The following MED27 variants were observed in gnomAD, a reference collection of about 807,000 sequenced individuals.
The protein encoded by MED27 is mediator of RNA polymerase II transcription subunit 27.
A neutral mutation model predicts 38.2 loss-of-function variants in MED27; 30 were observed. The observed-to-expected ratio is 0.79, with a 90% CI of 0.59 to 1.07. The LOEUF (loss-of-function observed/expected upper bound fraction) is 1.07, where lower values mean the gene tolerates loss of function less well. Ranked by LOEUF, MED27 falls within the 50% of genes least tolerant of loss-of-function variation. The probability of loss-of-function intolerance (pLI) is 0.00; values close to 1 mark genes in which losing one functional copy is unlikely to be tolerated. For synonymous variants in MED27, 122 were observed against 153.5 expected, an observed-to-expected ratio of 0.79 and a Z score of 1.52; for missense variants, 289 against 397.5, an observed-to-expected ratio of 0.73 and a Z score of 2.32.
Position 132,003,745 on chromosome 9 carries a change from A to T in MED27, c.479+10592T>A, listed in dbSNP as rs956603165. Among the ~76,000 whole-genome samples, 12 of 151,842 alleles carry T rather than the reference A, an allele frequency of 7.9e-5. No homozygotes were observed. The highest frequency in any genetic ancestry group is 2.9e-4 in the African/African-American group (12 of 41,324). ...CCATACTCCTCTTTCACACCCCACC[A>T]CCCAGTACTTTTGGGAAGGGGGGAT... On this transcript the variant is annotated intron_variant, in intron 3 of 7. Coordinates refer to ENST00000292035, the MANE Select transcript of MED27 (RefSeq NM_004269.4). The surrounding 1 kb of genome is among the most constrained non-coding windows in gnomAD (Gnocchi z 4.2).
intron 3 of MED27, among the ~76,000 whole-genome samples, chr9:131,942,413 T>A (rs916078710): frequency 6.6e-6 from 1 of 152,184 alleles, no homozygotes; most frequent in African/African-American, 2.4e-5. Flanking sequence ...ATATACTTCT[T>A]CTCTAAATCT....
chr9:131,985,450 G>A (rs950882379), intron 3 of MED27, among the ~76,000 whole-genome samples: 8 of 152,124 alleles, frequency 5.3e-5, no homozygotes, highest in African/African-American at 1.7e-4. Flanking sequence ...TGGTGAGACC[G>A]CATATATGAC....
Position 131,985,698 on chromosome 9 carries a change from T to G in MED27, c.479+28639A>C, listed in dbSNP as rs529691041. ...ATTTACTGTACTATAATTTTAATTG[T>G]TTTTTTTTTTTAGCATATACTACTT... On this transcript the variant is annotated intron_variant, in intron 3 of 7. Transcript: ENST00000292035. 8.3e-5 allele frequency among the ~76,000 whole-genome samples: 11 copies of G among 133,094 alleles called. No homozygotes were observed. In the East Asian group the frequency reaches 1.5e-3, roughly 18 times the overall value. The allele number at this position is 133,094 out of a possible 152,430, so 87.3% of individuals were successfully genotyped here.
intron 2 of MED27, among the ~76,000 whole-genome samples, chr9:132,030,678 AAT>A (rs1217508877): frequency 6.6e-6 from 1 of 152,274 alleles, no homozygotes; most frequent in East Asian, 1.9e-4. Flanking sequence ...ATTAAATCAA[AAT>A]GTGCTTTTTG....
rs913509 is a variant in MED27, at chr9:131,862,364, G to A, written c.801+699C>T. The stretch of plus-strand genomic sequence containing the variant: ...CATGCGGCCGTGTGAGCATGCTGGC[G>A]TGAGAGCATGACGGTGGAACAGCTG... On this transcript the variant is annotated intron_variant, in intron 7 of 7. Transcript: ENST00000292035. This position sits in a 1 kb window ranked among gnomAD's most constrained non-coding sequence, Gnocchi z 4.6. Among the ~76,000 whole-genome samples the A allele has an allele frequency of 0.53, 80,299 of 152,024 alleles. 23,123 individuals are homozygous for A. The highest frequency in any genetic ancestry group is 0.65 in the Non-Finnish European group (44,425 of 67,968).
At chr9:132,014,251 A>AACAGTAACTTTCCACT in intron 3 of MED27, 86 bp downstream of exon 3, 1 of 1,406,118 alleles carries the variant, frequency 7.1e-7, no homozygotes, top group Admixed American at 2.3e-5. Context: ...TTTTGAAGAA[A>AACAGTAACTTTCCACT]ACAGTAACTT....
At chr9:132,053,330 A>C (rs1444502063) in intron 2 of MED27, among the ~76,000 whole-genome samples, 1 of 152,102 alleles carries the variant, frequency 6.6e-6, no homozygotes, top group Admixed American at 6.5e-5. Context: ...AAACATGATA[A>C]GGGAAAAAAT....
intron 3 of MED27, among the ~76,000 whole-genome samples, chr9:131,969,106 A>G (rs190786497): frequency 1.1e-4 from 17 of 152,338 alleles, no homozygotes; most frequent in Admixed American, 1.1e-3. Flanking sequence ...CAATGTAATG[A>G]TAATAGAAAT....
chr9:132,039,662 G>C (rs1241140768), intron 2 of MED27, among the ~76,000 whole-genome samples: 1 of 147,580 alleles, frequency 6.8e-6, no homozygotes, highest in Non-Finnish European at 1.5e-5. Flanking sequence ...CTTCAAAGGA[G>C]AGTGAGTGAA....
At chr9:132,025,486 G>C (rs893139925) in intron 2 of MED27, among the ~76,000 whole-genome samples, 10 of 152,210 alleles carry the variant, frequency 6.6e-5, no homozygotes, top group African/African-American at 2.4e-4. Flanking sequence ...CCAGCCCTGA[G>C]TGAATTTTCT....
intron 2 of MED27, among the ~76,000 whole-genome samples, chr9:132,065,504 CCCAGTA>C (rs1351029880): frequency 6.6e-6 from 1 of 152,232 alleles, no homozygotes; most frequent in Non-Finnish European, 1.5e-5. Flanking sequence ...CCCCTCCCAC[CCCAGTA>C]AGGGGCTCCT....
chr9:132,065,261 C>T (rs114995317), intron 2 of MED27, among the ~76,000 whole-genome samples: 2,166 of 152,264 alleles, frequency 0.014, 56 homozygotes, highest in African/African-American at 0.049. Flanking sequence ...TGCACCGTGG[C>T]GGGAACTACT....
chr9:132,063,471 C>G (rs562894610), intron 2 of MED27, among the ~76,000 whole-genome samples: 12 of 152,260 alleles, frequency 7.9e-5, no homozygotes, highest in South Asian at 2.1e-4. Context: ...ACGTTTTGGC[C>G]GAGGATTCCA....
intron 5 of MED27, among the ~76,000 whole-genome samples, chr9:131,892,229 G>T (rs1056783559): frequency 6.6e-6 from 1 of 152,054 alleles, no homozygotes; most frequent in South Asian, 2.1e-4. Flanking sequence ...GAGGAGGGGC[G>T]ATCAGAGGTG....
chr9:131,864,988 G>A (rs544156908), intron 6 of MED27, among the ~76,000 whole-genome samples: 2 of 152,286 alleles, frequency 1.3e-5, no homozygotes, highest in East Asian at 1.9e-4. Context: ...GGACTTTCAC[G>A]GCCTGCCCCA....
In MED27 at chr9:131,923,182, A is replaced by G. The variant is rs1267302762; in HGVS notation, c.573+16199T>C. Among the ~76,000 whole-genome samples, 11 of 152,326 alleles carry G rather than the reference A, an allele frequency of 7.2e-5. No homozygotes were observed. The East Asian group carries it at 1.5e-3, about 21-fold the overall frequency. On this transcript the variant is annotated intron_variant, in intron 4 of 7. Transcript: ENST00000292035. ...TACAGACACATCTATATCTATTTCT[A>G]CATCCATACATTAAAAACAATCCAT...
At chr9:131,893,649 T>C (rs930460312) in intron 5 of MED27, among the ~76,000 whole-genome samples, 5 of 152,064 alleles carry the variant, frequency 3.3e-5, no homozygotes, top group South Asian at 2.1e-4. Flanking sequence ...GGTGATAAAT[T>C]AGAAATTCAA....
intron 3 of MED27, among the ~76,000 whole-genome samples, chr9:131,955,410 T>C (rs1314649308): frequency 6.7e-6 from 1 of 149,752 alleles, no homozygotes; most frequent in African/African-American, 2.5e-5. Flanking sequence ...AAGGAGGCAA[T>C]AATGTGTGTA....
chr9:131,936,682 C>A (rs1830692637), intron 4 of MED27, among the ~76,000 whole-genome samples: 1 of 152,216 alleles, frequency 6.6e-6, no homozygotes, highest in East Asian at 1.9e-4. Context: ...ATGCCTGGAG[C>A]TACTCTGGTT....
Sources: gnomAD v4.1 joint callset for allele counts (sites outside exome capture counted in the v4.1 genomes callset) on GRCh38, gnomAD v4.1.1 for gene constraint, Gnocchi (gnomAD v3.1) non-coding constraint, MANE v1.5 for transcripts, NCBI Gene and HGNC (gene_info 2026-07-23, HGNC 2026-07-21) for gene names.